Variants in ATP8B4 observed in about 807,000 individuals in gnomAD.
The protein encoded by ATP8B4 is ATPase phospholipid transporting 8B4 (putative), also known as probable phospholipid-transporting ATPase IM.
A neutral mutation model predicts 145.6 loss-of-function variants in ATP8B4; 133 were observed. The ratio of observed to expected loss-of-function variants is 0.91; its 90% CI spans 0.79 to 1.05. The LOEUF is 1.05. Among genes scored for constraint, ATP8B4 ranks in the 50% least tolerant of loss-of-function variants. ATP8B4 has a pLI of 0.00. For synonymous variants in ATP8B4, 507 were observed against 492.9 expected, an observed-to-expected ratio of 1.03 and a Z score of -0.38; for missense variants, 1,458 against 1,425.2, an observed-to-expected ratio of 1.02 and a Z score of -0.37.
rs74725257 is a variant in ATP8B4 at position 50,001,341 on chromosome 15, C to A, written c.506+812G>T. On this transcript the variant is annotated intron_variant, in intron 8 of 27. Coordinates refer to ENST00000284509, the MANE Select transcript of ATP8B4 (RefSeq NM_024837.4). ...CTGTTTTAGTTGTGTCTGAACTGTT[C>A]TGTCCAAAGTAGGGTCCCACAGACT... is the stretch of plus-strand genomic sequence containing the variant. Among the ~76,000 whole-genome samples, 575 of 152,242 alleles carry A rather than the reference C, an allele frequency of 3.8e-3. 8 individuals are homozygous for A. The highest frequency in any genetic ancestry group is 0.013 in the African/African-American group (541 of 41,556).
At chr15:50,180,946 C>G (rs1228998136) in intron 1 of ATP8B4, among the ~76,000 whole-genome samples, 1 of 151,990 alleles carries the variant, frequency 6.6e-6, no homozygotes, top group Non-Finnish European at 1.5e-5. Flanking sequence ...TGGACAGAAA[C>G]CTAGAGAATA....
chr15:50,165,475 G>T (rs574044713), intron 1 of ATP8B4, among the ~76,000 whole-genome samples: 2 of 152,112 alleles, frequency 1.3e-5, no homozygotes, highest in Non-Finnish European at 2.9e-5. Context: ...TGTTCCTGGT[G>T]GGGGATGGTG....
chr15:50,095,787 C>T (rs557932033), intron 2 of ATP8B4, among the ~76,000 whole-genome samples: 1 of 152,002 alleles, frequency 6.6e-6, no homozygotes, highest in Admixed American at 6.6e-5. Flanking sequence ...AATTAGACAT[C>T]TCCCAAATTA....
intron 1 of ATP8B4, among the ~76,000 whole-genome samples, chr15:50,115,401 A>G (rs796611600): frequency 2.3e-4 from 35 of 152,114 alleles, no homozygotes; most frequent in African/African-American, 8.4e-4. Context: ...AGAAGGAGGG[A>G]TGGAGAACTA....
chr15:50,052,959 T>A (rs1041156138), intron 3 of ATP8B4, among the ~76,000 whole-genome samples: 16 of 152,134 alleles, frequency 1.1e-4, no homozygotes, highest in African/African-American at 3.9e-4. Flanking sequence ...TATTTTAAAA[T>A]ATCACCCTAG....
Position 49,876,310 on chromosome 15 carries a change from C to T in ATP8B4, c.2995G>A (p.Ala999Thr). 1 of 1,614,056 alleles carries T rather than the reference C, an allele frequency of 6.2e-7. No homozygotes were observed. The highest frequency in any genetic ancestry group is 2.2e-5 in the East Asian group (1 of 44,846). ...CTGACCACAATGACCAAAGATGTGG[C>T]CATGGTAACTGCAAAGGACTGGTAG... ...ADYQSFAVTM[A>T]TSLVIVVSVQ... is the part of the protein sequence containing the mutation. Residue 999 changes from alanine (A) to threonine (T), a missense_variant, in exon 25 of 28, where the codon GCC becomes ACC. By Grantham distance (58) the Ala-to-Thr change is moderately conservative. Transcript: ENST00000284509.
At chr15:49,968,449 G>T (rs1268790129) in intron 13 of ATP8B4, among the ~76,000 whole-genome samples, 1 of 151,700 alleles carries the variant, frequency 6.6e-6, no homozygotes, top group African/African-American at 2.4e-5. Context: ...CAAATGGAAA[G>T]CAAAAAAAAG....
At chr15:50,131,112 C>G (rs576622562) in intron 1 of ATP8B4, among the ~76,000 whole-genome samples, 10 of 151,990 alleles carry the variant, frequency 6.6e-5, no homozygotes, top group African/African-American at 1.2e-4. Context: ...CTCACTATCA[C>G]GAGAACAGCA....
At chr15:50,117,757 T>A (rs758748889) in intron 1 of ATP8B4, among the ~76,000 whole-genome samples, 4 of 152,232 alleles carry the variant, frequency 2.6e-5, no homozygotes, top group Admixed American at 2.6e-4. Context: ...GCAATAATAT[T>A]TCTTCTTGAG....
At chr15:50,096,628 T>A (rs2056005737) in intron 2 of ATP8B4, among the ~76,000 whole-genome samples, 1 of 152,132 alleles carries the variant, frequency 6.6e-6, no homozygotes. Context: ...CAATGCTGCC[T>A]CCCTGTCACT....
intron 14 of ATP8B4, among the ~76,000 whole-genome samples, chr15:49,961,369 T>C (rs1335838771): frequency 6.6e-6 from 1 of 152,166 alleles, no homozygotes; most frequent in African/African-American, 2.4e-5. Flanking sequence ...TTGTTATAAA[T>C]TCTAAAGAAG....
intron 1 of ATP8B4, among the ~76,000 whole-genome samples, chr15:50,174,910 G>C (rs1050395914): frequency 2.0e-5 from 3 of 152,210 alleles, no homozygotes; most frequent in Admixed American, 1.3e-4. Flanking sequence ...TAAGGCTATA[G>C]TCACCAAAAC....
chr15:50,056,823 AAATATT>A (rs1188705785), intron 3 of ATP8B4, among the ~76,000 whole-genome samples: 5 of 151,990 alleles, frequency 3.3e-5, no homozygotes, highest in African/African-American at 1.2e-4. Context: ...ACACACATAT[AAATATT>A]AACAGTAAAG....
chr15:49,938,900 G>T lies in ATP8B4; in HGVS notation c.1288-4718C>A, dbSNP rs2041945014. Among the ~76,000 whole-genome samples the T allele has an allele frequency of 2.6e-5, 4 of 152,146 alleles. No homozygotes were observed. The South Asian group carries it at 8.3e-4, about 32-fold the overall frequency. On this transcript the variant is annotated intron_variant, in intron 14 of 27. Transcript: ENST00000284509. ...AAAGTCAAAAAAATCAAAATTATAT[G>T]AATCATATTCTCAGACCAAAGTAGG...
intron 3 of ATP8B4, among the ~76,000 whole-genome samples, chr15:50,067,493 T>C (rs976629597): frequency 6.6e-6 from 1 of 152,132 alleles, no homozygotes; most frequent in African/African-American, 2.4e-5. Context: ...ATTTCCCACT[T>C]CCTCTGGCAA....
At chr15:49,865,139 G>C (rs142438908) in intron 26 of ATP8B4, among the ~76,000 whole-genome samples, 116 of 152,288 alleles carry the variant, frequency 7.6e-4, no homozygotes, top group African/African-American at 2.6e-3. Context: ...GAAGGGAAGA[G>C]GGACTGAAGG....
At chr15:49,966,239 C>A (rs2044526249) in intron 13 of ATP8B4, among the ~76,000 whole-genome samples, 1 of 152,110 alleles carries the variant, frequency 6.6e-6, no homozygotes, top group Admixed American at 6.5e-5. Context: ...TTTTTCATAC[C>A]CCAGTGGCAC....
At chr15:50,077,259 C>T (rs139535374) in intron 2 of ATP8B4, among the ~76,000 whole-genome samples, 24 of 152,318 alleles carry the variant, frequency 1.6e-4, no homozygotes, top group Non-Finnish European at 3.4e-4. Context: ...GCTAAAAGAG[C>T]TTCTGGTTTA....
chr15:50,112,334 C>T (rs1213157386), intron 1 of ATP8B4, among the ~76,000 whole-genome samples: 1 of 152,016 alleles, frequency 6.6e-6, no homozygotes, highest in Non-Finnish European at 1.5e-5. Flanking sequence ...TATCTGAGAG[C>T]CTAGGGAGTA....
Sources: allele counts gnomAD v4.1 joint callset (sites outside exome capture counted in the v4.1 genomes callset), GRCh38; gene constraint gnomAD v4.1.1; transcripts MANE v1.5; gene names NCBI Gene and HGNC (gene_info 2026-07-23, HGNC 2026-07-21).